LHFPL5: variants seen among roughly 807,000 people sequenced by gnomAD.
The protein encoded by LHFPL5 is LHFPL tetraspan subfamily member 5, also known as LHFPL tetraspan subfamily member 5 protein.
LHFPL5 carries 12 observed loss-of-function variants against 18.7 expected under a neutral mutation model. That is an observed-to-expected ratio of 0.64 (90% CI 0.41 to 1.04). The LOEUF is 1.04. LHFPL5 is among the 50% of genes least tolerant of loss of function. LHFPL5 has a pLI of 0.00. For synonymous variants in LHFPL5, 111 were observed against 120.2 expected (o/e 0.92, Z 0.50); for missense variants, 259 against 292.1 (o/e 0.89, Z 0.83).
intron 1 of LHFPL5, among the ~76,000 whole-genome samples, chr6:35,810,985 C>T (rs1029461449): frequency 1.5e-4 from 23 of 152,136 alleles, no homozygotes; most frequent in African/African-American, 4.8e-4. Flanking sequence ...AACCGGGGAT[C>T]GGTGGGGGCT....
intron 1 of LHFPL5, among the ~76,000 whole-genome samples, chr6:35,810,431 A>G (rs1768644252): frequency 6.6e-6 from 1 of 152,050 alleles, no homozygotes; most frequent in African/African-American, 2.4e-5. Flanking sequence ...AAACACAAAA[A>G]ACAGGCTGGG....
At chr6:35,809,838 A>G (rs534105858) in intron 1 of LHFPL5, among the ~76,000 whole-genome samples, 2 of 152,306 alleles carry the variant, frequency 1.3e-5, no homozygotes, top group African/African-American at 4.8e-5. Flanking sequence ...ATAATTGTAC[A>G]TATTTATGGG....
intron 1 of LHFPL5, among the ~76,000 whole-genome samples, chr6:35,813,958 T>A (rs1277075422): frequency 6.6e-6 from 1 of 152,016 alleles, no homozygotes; most frequent in East Asian, 1.9e-4. Flanking sequence ...CACCACTCCC[T>A]GCTAATTTTG....
chr6:35,823,993 C>T lies in LHFPL5; in HGVS notation c.*1028C>T, dbSNP rs1286034613. 6.6e-6 allele frequency: 1 copy of T among 152,256 alleles called. No homozygotes were observed. Among genetic ancestry groups the T allele is most frequent in the African/African-American group, 2.4e-5 (1 of 41,550 alleles). 9.4% of individuals were successfully genotyped at this position (152,256 alleles called of 1,614,324 possible). On this transcript the variant is annotated 3_prime_UTR_variant, in exon 4 of 4. Transcript: ENST00000360215. ...AAATAGCGTAGTATTTGCATATAAC[C>T]TATGCACATCCTCCTGTATACTTTA...
intron 3 of LHFPL5, among the ~76,000 whole-genome samples, chr6:35,821,738 C>A (rs1768871540): frequency 2.0e-5 from 3 of 152,002 alleles, no homozygotes; most frequent in Non-Finnish European, 4.4e-5. Context: ...GCCTCAGCCT[C>A]CAGAAGTGCT....
At chr6:35,822,152 G>T (rs1370414395) in intron 3 of LHFPL5, among the ~76,000 whole-genome samples, 2 of 151,666 alleles carry the variant, frequency 1.3e-5, no homozygotes, top group African/African-American at 2.4e-5. Context: ...GCCTCCCAAA[G>T]TGTTGAGATT....
rs1004258758 is a variant in LHFPL5, at chr6:35,805,455, C to G, written c.-216C>G. On this transcript the variant is annotated 5_prime_UTR_variant, in exon 1 of 4. Transcript: ENST00000360215. This position sits in a 1 kb window ranked among gnomAD's most constrained non-coding sequence, Gnocchi z 4.3. ...AGACTGGAGACAGCCTCGGCTAGAGCGGACACAGGCACCTGGCAAGCTTTC... is the reference window on the plus strand; with the variant it reads ...AGACTGGAGACAGCCTCGGCTAGAGGGGACACAGGCACCTGGCAAGCTTTC... 1.7e-6 allele frequency: 1 copy of G among 586,542 alleles called. No individual in the cohort carries two copies. Among genetic ancestry groups the G allele is most frequent in the Admixed American group, 2.9e-5 (1 of 34,362 alleles). The allele number at this position is 586,542 out of a possible 1,614,324, so 36.3% of individuals were successfully genotyped here. A position where few individuals can be genotyped will look rare whatever the true frequency, so the allele number is the denominator to read the frequency against.
chr6:35,816,639 C>G (rs1262779291), intron 2 of LHFPL5, among the ~76,000 whole-genome samples: 1 of 151,788 alleles, frequency 6.6e-6, no homozygotes, highest in African/African-American at 2.4e-5. Flanking sequence ...TGGCACAACC[C>G]CATCTCTACT....
rs138681160 is a variant in LHFPL5, at chr6:35,817,828, A to G, written c.650-1609A>G. Among the ~76,000 whole-genome samples, 60 of 152,368 alleles carry G rather than the reference A, an allele frequency of 3.9e-4. 1 individual carries two copies. The East Asian group carries it at 0.011, about 28-fold the overall frequency. ...AAATGGTTAATCATAGAGTTACTAT[A>G]TGACCCAGTAATTCCACTATTGGGT... On this transcript the variant is annotated intron_variant, in intron 2 of 3. Transcript: ENST00000360215.
Position 35,823,380 on chromosome 6 carries a change from CATATATAT to C in LHFPL5, c.*417_*424del, listed in dbSNP as rs71838634. The stretch of plus-strand genomic sequence containing the variant: ...CTGTGTCTGATAGCATACACACACA[CATATATAT>C]ACACACACACACACACACACACACA... On this transcript the variant is annotated 3_prime_UTR_variant, in exon 4 of 4. Transcript: ENST00000360215. 228 of 61,840 alleles carry C rather than the reference CATATATAT, an allele frequency of 3.7e-3. No individual in the cohort carries two copies. Among genetic ancestry groups the C allele is most frequent in the South Asian group, 7.6e-3 (11 of 1,448 alleles). 3.8% of individuals were successfully genotyped at this position (61,840 alleles called of 1,614,324 possible).
At chr6:35,818,343 ATATATGTATTTT>A (rs1433825356) in intron 2 of LHFPL5, among the ~76,000 whole-genome samples, 286 of 7,280 alleles carry the variant, frequency 0.039, 5 homozygotes, top group Admixed American at 0.11. Context: ...ATATATATAT[ATATATGTATTTT>A]TTTTTTTTTT....
At position 35,814,585 on chromosome 6, in the gene LHFPL5, G is replaced by A; in HGVS notation, c.452G>A (p.Gly151Asp). 6.2e-7 allele frequency: 1 copy of A among 1,614,202 alleles called. No homozygotes were observed. Among genetic ancestry groups the A allele is most frequent in the Non-Finnish European group, 8.5e-7 (1 of 1,180,032 alleles). ...ATTGGCTGCCTGGTCTACCCTGATGGTTGGGACTCAAGTGAGGTGCGGCGC... is the reference window on the plus strand; with the variant it reads ...ATTGGCTGCCTGGTCTACCCTGATGATTGGGACTCAAGTGAGGTGCGGCGC... ...LMIGCLVYPD[G>D]WDSSEVRRMC... is the part of the protein sequence containing the mutation. Residue 151 changes from glycine (G) to aspartate (D), a missense_variant, in exon 2 of 4, where the codon GGT becomes GAT. Transcript: ENST00000360215. The surrounding 1 kb of genome is among the most constrained non-coding windows in gnomAD (Gnocchi z 4.2).
intron 3 of LHFPL5, among the ~76,000 whole-genome samples, chr6:35,820,436 C>A (rs1456013218): frequency 1.3e-5 from 2 of 152,178 alleles, no homozygotes; most frequent in African/African-American, 4.8e-5. Flanking sequence ...CGCGGTGACT[C>A]ACGCCTGTAA....
At chr6:35,806,110 AG>A (rs779334848) in intron 1 of LHFPL5, 28 bp downstream of exon 1, 4 of 1,610,138 alleles carry the variant, frequency 2.5e-6, no homozygotes, top group Non-Finnish European at 2.5e-6. Flanking sequence ...GAGGGCAGGC[AG>A]GGGCCCACCC....
At chr6:35,821,630 C>G (rs888791929) in intron 3 of LHFPL5, among the ~76,000 whole-genome samples, 12 of 151,504 alleles carry the variant, frequency 7.9e-5, no homozygotes, top group Admixed American at 3.9e-4. Context: ...TATAGGCATG[C>G]GCCACCACAC....
At position 35,814,616 on chromosome 6, in the gene LHFPL5, T is replaced by G; in HGVS notation, c.483T>G (p.Cys161Trp). The stretch of plus-strand genomic sequence containing the variant: ...ACTCAAGTGAGGTGCGGCGCATGTG[T>G]GGGGAGCAGACGGGCAAGTACACGC... ...GWDSSEVRRM[C>W]GEQTGKYTLG... Residue 161 changes from cysteine (C) to tryptophan (W), a missense_variant, in exon 2 of 4, where the codon TGT becomes TGG. Cys to Trp is a radical substitution (Grantham distance 215). Coordinates refer to ENST00000360215, the MANE Select transcript of LHFPL5 (RefSeq NM_182548.4). This position sits in a 1 kb window ranked among gnomAD's most constrained non-coding sequence, Gnocchi z 4.2. The G allele has an allele frequency of 6.2e-7, 1 of 1,614,062 alleles. No homozygotes were observed. Among genetic ancestry groups the G allele is most frequent in the Non-Finnish European group, 8.5e-7 (1 of 1,180,006 alleles).
At position 35,805,916 on chromosome 6, in the gene LHFPL5, C is replaced by T; in HGVS notation, c.246C>T (p.Gly82=). ...VLSSELICKG[G]PLDFSSIPSR... is the part of the protein sequence containing the mutation. ...CCTCCGAGCTCATCTGCAAGGGCGG[C>T]CCCCTAGACTTCTCCTCCATCCCCT... is the stretch of plus-strand genomic sequence containing the variant. The change falls in exon 1 of 4, where the codon GGC becomes GGT. Residue 82 remains glycine (G), a synonymous_variant. Coordinates refer to ENST00000360215, the MANE Select transcript of LHFPL5 (RefSeq NM_182548.4). The surrounding 1 kb of genome is among the most constrained non-coding windows in gnomAD (Gnocchi z 4.3). The T allele has an allele frequency of 6.2e-7, 1 of 1,614,226 alleles. No individual in the cohort carries two copies. The highest frequency in any genetic ancestry group is 8.5e-7 in the Non-Finnish European group (1 of 1,180,038).
intron 2 of LHFPL5, among the ~76,000 whole-genome samples, chr6:35,818,909 G>C (rs1210629883): frequency 3.3e-5 from 5 of 151,950 alleles, no homozygotes; most frequent in Non-Finnish European, 7.4e-5. Flanking sequence ...TGGGGTCACT[G>C]CAACCTCCGC....
intron 2 of LHFPL5, among the ~76,000 whole-genome samples, chr6:35,818,059 C>G (rs1768793484): frequency 6.6e-6 from 1 of 152,040 alleles, no homozygotes; most frequent in Non-Finnish European, 1.5e-5. Context: ...GCATTGCTAC[C>G]ATGTGGATGA....
Sources: allele counts gnomAD v4.1 joint callset (sites outside exome capture counted in the v4.1 genomes callset), GRCh38; gene constraint gnomAD v4.1.1; non-coding constraint Gnocchi (gnomAD v3.1); transcripts MANE v1.5; gene names NCBI Gene and HGNC (gene_info 2026-07-23, HGNC 2026-07-21).